Variants in TNNI3 observed in about 807,000 individuals in gnomAD.
The protein encoded by TNNI3 is troponin I, cardiac muscle.
A neutral mutation model predicts 31.5 loss-of-function variants in TNNI3; 23 were observed. The ratio of observed to expected loss-of-function variants is 0.73; its 90% confidence interval spans 0.52 to 1.03. The LOEUF (loss-of-function observed/expected upper bound fraction) is 1.03. Among genes scored for constraint, TNNI3 ranks in the 50% least tolerant of loss-of-function variants. The pLI is 0.00. For synonymous variants in TNNI3, 120 were observed against 111.7 expected, an observed-to-expected ratio of 1.07 and a Z score of -0.47; for missense variants, 236 against 282.9, an observed-to-expected ratio of 0.83 and a Z score of 1.19.
At chr19:55,155,930 T>TG (rs540925311) in intron 5 of TNNI3, among the ~76,000 whole-genome samples, 3 of 74,342 alleles carry the variant, frequency 4.0e-5, no homozygotes, top group African/African-American at 1.8e-4. Context: ...GAGGAGGGGC[T>TG]GGGGCCTGGA....
In TNNI3 at chr19:55,156,479, A is replaced by G. The variant is rs2085730892; in HGVS notation, c.150+124T>C. On this transcript the variant is annotated intron_variant, in intron 4 of 7. Coordinates refer to ENST00000344887, the MANE Select transcript of TNNI3 (RefSeq NM_000363.5). The surrounding 1 kb of genome is among the most constrained non-coding windows in gnomAD (Gnocchi z 4.6). The stretch of plus-strand genomic sequence containing the variant: ...CCCACCCCGAGCAGTACTCCCCGCT[A>G]AAGCCACGCCCCGAGCGGCCAAACC... 1 of 1,504,968 alleles carries G rather than the reference A, an allele frequency of 6.6e-7. No individual in the cohort carries two copies. The highest frequency in any genetic ancestry group is 2.5e-5 in the East Asian group (1 of 40,658). 93.2% of individuals were successfully genotyped at this position (1,504,968 alleles called of 1,614,324 possible).
chr19:55,156,904 T>A lies in TNNI3; in HGVS notation c.108+146A>T, dbSNP rs1207854849. ...TCCGCCCGCAGGCTGCTGTCACCAA[T>A]CCGAGCATGACCCTCTGCAAAACTC... On this transcript the variant is annotated intron_variant, in intron 3 of 7. Transcript: ENST00000344887. The surrounding 1 kb of genome is among the most constrained non-coding windows in gnomAD (Gnocchi z 4.6). The A allele has an allele frequency of 9.9e-7, 1 of 1,014,712 alleles. No homozygotes were observed. Among genetic ancestry groups the A allele is most frequent in the Non-Finnish European group, 1.5e-6 (1 of 673,990 alleles). The allele number at this position is 1,014,712 out of a possible 1,614,324, so 62.9% of individuals were successfully genotyped here.
At chr19:55,154,866 C>A (rs1444969044) in intron 5 of TNNI3, 36 bp from the exon 6 acceptor site, 2 of 1,598,242 alleles carry the variant, frequency 1.3e-6, no homozygotes, top group Middle Eastern at 1.7e-4. Context: ...GTTGGGGGAA[C>A]CAAAAACAGG....
chr19:55,156,812 A>T lies in TNNI3; in HGVS notation c.109-168T>A. On this transcript the variant is annotated intron_variant, in intron 3 of 7. Coordinates refer to ENST00000344887, the MANE Select transcript of TNNI3 (RefSeq NM_000363.5). This position sits in a 1 kb window ranked among gnomAD's most constrained non-coding sequence, Gnocchi z 4.6. ...CCACGCCCCTCATTCCCATCCACCA[A>T]TCTGGGTCTCTTCCTTTGGATAGGC... 1 of 874,270 alleles carries T rather than the reference A, an allele frequency of 1.1e-6. No individual in the cohort carries two copies. Among genetic ancestry groups the T allele is most frequent in the Non-Finnish European group, 1.8e-6 (1 of 542,180 alleles). The allele number at this position is 874,270 out of a possible 1,614,324, so 54.2% of individuals were successfully genotyped here.
chr19:55,152,393 A>G lies in TNNI3; in HGVS notation c.550-476T>C, dbSNP rs1414246709. ...CTGAGGTAAACCATGGCCCAAAAAT[A>G]TTAAATGGAAAATTCCAGAAATAAA... On this transcript the variant is annotated intron_variant, in intron 7 of 7. Transcript: ENST00000344887. The surrounding 1 kb of genome is among the most constrained non-coding windows in gnomAD (Gnocchi z 4.0). Among the ~76,000 whole-genome samples the G allele has an allele frequency of 6.6e-6, 1 of 152,228 alleles. No homozygotes were observed. Among genetic ancestry groups the G allele is most frequent in the Non-Finnish European group, 1.5e-5 (1 of 68,056 alleles).
In TNNI3 at chr19:55,156,685, G is replaced by C. The variant is rs536073691; in HGVS notation, c.109-41C>G. 2.4e-5 allele frequency: 38 copies of C among 1,554,122 alleles called. No individual in the cohort carries two copies. The South Asian group carries it at 3.7e-4, about 15-fold the overall frequency. On this transcript the variant is annotated intron_variant, in intron 3 of 7. Transcript: ENST00000344887. This position sits in a 1 kb window ranked among gnomAD's most constrained non-coding sequence, Gnocchi z 4.6. ...GGAGCAAGGAAGGATCATGGAGGGG[G>C]ATTCGGAGACGACGGTGGAGGGGAC...
In TNNI3 at chr19:55,153,981, A is replaced by G. The variant is rs142495802; in HGVS notation, c.549+49T>C. The G allele has an allele frequency of 1.6e-3, 2,617 of 1,605,396 alleles. 6 individuals carry two copies. The highest frequency in any genetic ancestry group is 2.7e-3 in the Admixed American group (159 of 59,750). ...CTCAGGCCTAGGGTTGTTGGCACCC[A>G]CAGCCCTTCCCCTCAGCATCCTCTT... On this transcript the variant is annotated intron_variant, in intron 7 of 7. Coordinates refer to ENST00000344887, the MANE Select transcript of TNNI3 (RefSeq NM_000363.5).
At chr19:55,154,942 G>A in intron 5 of TNNI3, 112 bp from the exon 6 acceptor site, 3 of 891,058 alleles carry the variant, frequency 3.4e-6, no homozygotes, top group Admixed American at 4.0e-5. Context: ...TCTGAGGGAG[G>A]AGAAGGGGCT....
chr19:55,156,428 T>C lies in TNNI3; in HGVS notation c.151-96A>G, dbSNP rs1356161071. 2.6e-6 allele frequency: 4 copies of C among 1,522,550 alleles called. No homozygotes were observed. Among genetic ancestry groups the C allele is most frequent in the Non-Finnish European group, 2.7e-6 (3 of 1,129,210 alleles). The allele number at this position is 1,522,550 out of a possible 1,614,324, so 94.3% of individuals were successfully genotyped here. A position where few individuals can be genotyped will look rare whatever the true frequency, so the allele number is the denominator to read the frequency against. On this transcript the variant is annotated intron_variant, in intron 4 of 7. Coordinates refer to ENST00000344887, the MANE Select transcript of TNNI3 (RefSeq NM_000363.5). This position sits in a 1 kb window ranked among gnomAD's most constrained non-coding sequence, Gnocchi z 4.6. Reference sequence around the variant, plus strand: ...CTCTGCCCTTCTAAACCCTCCAGTTTGGTCTCCACTGTTCCAAGGCCCCGT... The same window carrying C: ...CTCTGCCCTTCTAAACCCTCCAGTTCGGTCTCCACTGTTCCAAGGCCCCGT...
chr19:55,152,454 T>C lies in TNNI3; in HGVS notation c.550-537A>G, dbSNP rs189506739. On this transcript the variant is annotated intron_variant, in intron 7 of 7. Coordinates refer to ENST00000344887, the MANE Select transcript of TNNI3 (RefSeq NM_000363.5). This position sits in a 1 kb window ranked among gnomAD's most constrained non-coding sequence, Gnocchi z 4.0. ...GTTTGATGGATTCTCAGGTCAATAG[T>C]AGCCTAACGCCAGGTCATAATGCCT... Among the ~76,000 whole-genome samples the C allele has an allele frequency of 1.1e-3, 173 of 152,338 alleles. 1 individual carries two copies. The highest frequency in any genetic ancestry group is 1.1e-3 in the Non-Finnish European group (72 of 68,032).
rs774968223 is a variant in TNNI3 at position 55,151,864 on chromosome 19, C to G, written c.603G>C (p.Met201Ile). The G allele has an allele frequency of 1.9e-6, 3 of 1,614,056 alleles. No homozygotes were observed. The highest frequency in any genetic ancestry group is 1.7e-6 in the Non-Finnish European group (2 of 1,180,006). Residue 201 changes from methionine to isoleucine, a missense_variant, in exon 8 of 8, where the codon ATG (methionine) becomes ATC (isoleucine). Around this residue, in one of 4 missense-constraint regions of TNNI3, gnomAD observed 28 missense variants for 36.2 expected, o/e 0.77. Transcript: ENST00000344887. ...TCTCAAACTTTTTCTTGCGGCCCTC[C>G]ATTCCACTCAGTGCATCGATGTTCT... ...WRKNIDALSGMEGRKKKFES is the reference protein window; with the variant it reads ...WRKNIDALSGIEGRKKKFES
In TNNI3 at chr19:55,156,126, C is replaced by T. The variant is rs1322528188; in HGVS notation, c.282+75G>A. 2 of 1,610,444 alleles carry T rather than the reference C, an allele frequency of 1.2e-6. No individual in the cohort carries two copies. Among genetic ancestry groups the T allele is most frequent in the Admixed American group, 3.3e-5 (2 of 59,886 alleles). On this transcript the variant is annotated intron_variant, in intron 5 of 7. Transcript: ENST00000344887. This position sits in a 1 kb window ranked among gnomAD's most constrained non-coding sequence, Gnocchi z 4.6. ...GACAGCCATATTGGACGCCTGGGTC[C>T]CGAGCAGAAGAGGGGATAGAGGCTG...
In TNNI3 at chr19:55,157,414, C is replaced by T. The variant is rs1041611904; in HGVS notation, c.12-106G>A. The stretch of plus-strand genomic sequence containing the variant: ...ACAAGAGGTCGGGGGACCGCGCTTC[C>T]CCTTCCTTGGGTTCCAGGAGTCTGA... On this transcript the variant is annotated intron_variant, in intron 1 of 7. Coordinates refer to ENST00000344887, the MANE Select transcript of TNNI3 (RefSeq NM_000363.5). This position sits in a 1 kb window ranked among gnomAD's most constrained non-coding sequence, Gnocchi z 6.3. 1.1e-4 allele frequency: 176 copies of T among 1,598,698 alleles called. 1 individual carries two copies. The highest frequency in any genetic ancestry group is 2.0e-4 in the Admixed American group (12 of 59,436).
At chr19:55,154,448 C>A (rs2085714546) in intron 6 of TNNI3, 2 of 623,588 alleles carry the variant, frequency 3.2e-6, no homozygotes, top group Non-Finnish European at 5.7e-6. Context: ...ATGCAAATCA[C>A]AATTCCCTGG....
Position 55,157,539 on chromosome 19 carries a change from A to G in TNNI3, c.11+40T>C. On this transcript the variant is annotated intron_variant, in intron 1 of 7. Coordinates refer to ENST00000344887, the MANE Select transcript of TNNI3 (RefSeq NM_000363.5). The surrounding 1 kb of genome is among the most constrained non-coding windows in gnomAD (Gnocchi z 6.3). ...CTGCGACCCCTCTTGGGAACCCGGG[A>G]GGTCGCCCCCAACTCCCACTGCCTT... 1 of 1,612,364 alleles carries G rather than the reference A, an allele frequency of 6.2e-7. No individual in the cohort carries two copies. Among genetic ancestry groups the G allele is most frequent in the Non-Finnish European group, 8.5e-7 (1 of 1,178,944 alleles).
rs1223852624 is a variant in TNNI3, at chr19:55,152,965, A to T, written c.550-1048T>A. 2.6e-5 allele frequency among the ~76,000 whole-genome samples: 4 copies of T among 151,970 alleles called. No individual in the cohort carries two copies. Among genetic ancestry groups the T allele is most frequent in the Non-Finnish European group, 5.9e-5 (4 of 67,980 alleles). ...CAGGCACCCACGACCACGCCCAGCAAATGTTTGTATTTTTACTACAGGTGG... is the reference window on the plus strand; with the variant it reads ...CAGGCACCCACGACCACGCCCAGCATATGTTTGTATTTTTACTACAGGTGG... On this transcript the variant is annotated intron_variant, in intron 7 of 7. Transcript: ENST00000344887. This position sits in a 1 kb window ranked among gnomAD's most constrained non-coding sequence, Gnocchi z 4.0.
rs1330144062 is a variant in TNNI3 at position 55,156,360 on chromosome 19, C to T, written c.151-28G>A. The T allele has an allele frequency of 1.9e-6, 3 of 1,600,074 alleles. No homozygotes were observed. Among genetic ancestry groups the T allele is most frequent in the Non-Finnish European group, 2.6e-6 (3 of 1,174,226 alleles). ...GCAGAGGGGTGGGAGGGAAGCGCAG[C>T]CCACCCGGGGCTTCAGGATAAAGAC... On this transcript the variant is annotated intron_variant, in intron 4 of 7. Coordinates refer to ENST00000344887, the MANE Select transcript of TNNI3 (RefSeq NM_000363.5). The surrounding 1 kb of genome is among the most constrained non-coding windows in gnomAD (Gnocchi z 4.6).
Position 55,154,782 on chromosome 19 carries a change from T to C in TNNI3, c.331A>G (p.Arg111Gly), listed in dbSNP as rs730881088. The C allele has an allele frequency of 1.9e-5, 30 of 1,614,060 alleles. No individual in the cohort carries two copies. Among genetic ancestry groups the C allele is most frequent in the Non-Finnish European group, 2.5e-5 (29 of 1,180,038 alleles). The change falls in exon 6 of 8, where the codon AGA becomes GGA. Residue 111 changes from arginine (R) to glycine (G), a missense_variant. This residue lies in a region of TNNI3 where 172 missense variants were observed against 171.8 expected (regional missense o/e 1.00). Transcript: ENST00000344887. ...GTGACTTTTGCCTCTATGTCGTATC[T>C]CTCTTCATCCACCTTGTCCACACGG... ...HARVDKVDEE[R>G]YDIEAKVTKN... is the part of the protein sequence containing the mutation.
chr19:55,157,170 G>A lies in TNNI3; in HGVS notation c.25-37C>T. 3.1e-6 allele frequency: 5 copies of A among 1,590,154 alleles called. No individual in the cohort carries two copies. Among genetic ancestry groups the A allele is most frequent in the Non-Finnish European group, 4.3e-6 (5 of 1,169,574 alleles). On this transcript the variant is annotated intron_variant, in intron 2 of 7. Coordinates refer to ENST00000344887, the MANE Select transcript of TNNI3 (RefSeq NM_000363.5). The surrounding 1 kb of genome is among the most constrained non-coding windows in gnomAD (Gnocchi z 6.3). ...GGAGTGGGGACCCCATCACCACCAA[G>A]ACCCCACCCAGCCCTTACCGTACCG...
Sources: allele counts gnomAD v4.1 joint callset (sites outside exome capture counted in the v4.1 genomes callset), GRCh38; gene constraint gnomAD v4.1.1; regional missense constraint gnomAD v4.1.1; non-coding constraint Gnocchi (gnomAD v3.1); transcripts MANE v1.5; gene names NCBI Gene and HGNC (gene_info 2026-07-23, HGNC 2026-07-21).